The following TMTC2 variants were observed in gnomAD, a reference collection of about 807,000 sequenced individuals.
TMTC2 encodes transmembrane O-mannosyltransferase targeting cadherins 2, also known as protein O-mannosyl-transferase TMTC2.
Under a neutral mutation model 82.4 loss-of-function variants are expected in TMTC2, and 43 were observed. The observed-to-expected ratio is 0.52, with a 90% CI of 0.41 to 0.67. The LOEUF is 0.67. TMTC2 is among the 30% of genes least tolerant of loss of function. The pLI is 0.00. For missense variants in TMTC2, 919 were observed against 1,012.4 expected (o/e 0.91, Z 1.25); for synonymous variants, 408 against 381.9 (o/e 1.07, Z -0.80).
At chr12:82,787,441 ATG>A (rs1309107718) in intron 1 of TMTC2, among the ~76,000 whole-genome samples, 8 of 152,148 alleles carry the variant, frequency 5.3e-5, no homozygotes, top group African/African-American at 1.9e-4. Context: ...ATGTAAATGA[ATG>A]TATATTTTTC....
At chr12:82,738,144 T>C (rs1301301005) in intron 1 of TMTC2, among the ~76,000 whole-genome samples, 1 of 152,228 alleles carries the variant, frequency 6.6e-6, no homozygotes. Flanking sequence ...TATAATTAGG[T>C]AATTTTTTTA....
chr12:82,791,638 G>A (rs142127600), intron 1 of TMTC2, among the ~76,000 whole-genome samples: 41 of 152,228 alleles, frequency 2.7e-4, no homozygotes, highest in African/African-American at 9.4e-4. Flanking sequence ...AAAAACCTCT[G>A]ATTATTCTAT....
intron 3 of TMTC2, among the ~76,000 whole-genome samples, chr12:82,901,674 A>G (rs1874029245): frequency 6.6e-6 from 1 of 151,954 alleles, no homozygotes; most frequent in Non-Finnish European, 1.5e-5. Context: ...CTTTCGACTC[A>G]GACATGATGT....
chr12:82,706,000 A>C (rs750208710), intron 1 of TMTC2, among the ~76,000 whole-genome samples: 22 of 152,064 alleles, frequency 1.4e-4, no homozygotes, highest in Non-Finnish European at 2.6e-4. Flanking sequence ...AACAAATAAG[A>C]ATTAGATTAA....
At chr12:82,782,499 A>C (rs1043117246) in intron 1 of TMTC2, among the ~76,000 whole-genome samples, 6 of 152,168 alleles carry the variant, frequency 3.9e-5, no homozygotes, top group Non-Finnish European at 7.4e-5. Context: ...AACTCTAAAC[A>C]GAGCTCTTTG....
At chr12:82,915,716 G>C (rs930891023) in intron 3 of TMTC2, among the ~76,000 whole-genome samples, 1 of 152,180 alleles carries the variant, frequency 6.6e-6, no homozygotes, top group African/African-American at 2.4e-5. Flanking sequence ...GTCTTTCTAA[G>C]GGTTCTTCAT....
At chr12:82,732,037 G>A (rs1339104013) in intron 1 of TMTC2, among the ~76,000 whole-genome samples, 2 of 152,150 alleles carry the variant, frequency 1.3e-5, no homozygotes, top group East Asian at 3.8e-4. Flanking sequence ...AGAGTGATGG[G>A]AATTTATTTG....
chr12:82,727,699 C>T (rs1874532018), intron 1 of TMTC2, among the ~76,000 whole-genome samples: 1 of 148,324 alleles, frequency 6.7e-6, no homozygotes, highest in Non-Finnish European at 1.5e-5. Context: ...CCAGCGTGGG[C>T]AACAGAGTGA....
chr12:82,744,381 C>T (rs1212296784), intron 1 of TMTC2, among the ~76,000 whole-genome samples: 2 of 152,032 alleles, frequency 1.3e-5, no homozygotes, highest in African/African-American at 4.8e-5. Context: ...CAAGATTGTG[C>T]CACTGCACTT....
chr12:83,034,532 G>A (rs780709441), intron 9 of TMTC2, among the ~76,000 whole-genome samples: 10 of 152,162 alleles, frequency 6.6e-5, no homozygotes, highest in Admixed American at 2.6e-4. Context: ...GGAGAAGACA[G>A]GACTAGAGAA....
At position 83,014,243 on chromosome 12, in the gene TMTC2, A is replaced by G. The variant is rs548890928; in HGVS notation, c.2071-16555A>G. On this transcript the variant is annotated intron_variant, in intron 8 of 11. Transcript: ENST00000321196. The stretch of plus-strand genomic sequence containing the variant: ...AGAGGCTCCATCTCCTCTCACCGTA[A>G]CCTCTGCCTTCTGCACTCAAGTGAT... Among the ~76,000 whole-genome samples the G allele has an allele frequency of 9.9e-4, 150 of 152,162 alleles. 2 individuals are homozygous for G. The highest frequency in any genetic ancestry group is 8.8e-3 in the Admixed American group (135 of 15,286).
At chr12:82,852,085 A>G (rs544486471) in intron 1 of TMTC2, among the ~76,000 whole-genome samples, 1 of 151,348 alleles carries the variant, frequency 6.6e-6, no homozygotes, top group South Asian at 2.1e-4. Context: ...ACTTCCTTGA[A>G]GACTTCAGAA....
intron 2 of TMTC2, among the ~76,000 whole-genome samples, chr12:82,881,245 A>G (rs774232422): frequency 2.6e-5 from 4 of 152,218 alleles, no homozygotes; most frequent in Non-Finnish European, 5.9e-5. Flanking sequence ...GGTTGTATTG[A>G]AGTCTTATTC....
chr12:82,726,416 T>TGTGCCAG (rs1418422371), intron 1 of TMTC2, among the ~76,000 whole-genome samples: 1 of 152,210 alleles, frequency 6.6e-6, no homozygotes, highest in East Asian at 1.9e-4. Context: ...AGACATTCTT[T>TGTGCCAG]GTGTTTTTCT....
chr12:82,967,699 C>G (rs1878274712), intron 7 of TMTC2, among the ~76,000 whole-genome samples: 1 of 151,944 alleles, frequency 6.6e-6, no homozygotes, highest in South Asian at 2.1e-4. Context: ...AGTAAGGTGG[C>G]CTAATGACTA....
At chr12:82,876,028 C>CGGTGGTGGCGGT (rs1872476351) in intron 2 of TMTC2, among the ~76,000 whole-genome samples, 4 of 83,488 alleles carry the variant, frequency 4.8e-5, no homozygotes, top group Non-Finnish European at 8.8e-5. Flanking sequence ...GTAGTGGTGG[C>CGGTGGTGGCGGT]GGTGGTGGTG....
rs920765326 is a variant in TMTC2 at position 82,958,371 on chromosome 12, CAAAA to C, written c.1599-6648_1599-6645del. ...GTCTGTCTCAAAAAAAAAAAAAAAA[CAAAA>C]AAAACAAAAAAACTACTGACCAATA... On this transcript the variant is annotated intron_variant, in intron 4 of 11. Transcript: ENST00000321196. Among the ~76,000 whole-genome samples the C allele has an allele frequency of 8.8e-3, 167 of 18,960 alleles. 5 individuals are homozygous for C. The highest frequency in any genetic ancestry group is 0.018 in the African/African-American group (130 of 7,170). 12.4% of individuals were successfully genotyped at this position (18,960 alleles called of 152,430 possible).
intron 8 of TMTC2, among the ~76,000 whole-genome samples, chr12:82,998,187 T>A (rs1049555881): frequency 3.3e-5 from 5 of 152,136 alleles, no homozygotes; most frequent in African/African-American, 1.2e-4. Flanking sequence ...GAAAACTTAC[T>A]AAAAAAGAGT....
At chr12:83,088,114 G>A (rs1479871584) in intron 11 of TMTC2, among the ~76,000 whole-genome samples, 1 of 152,156 alleles carries the variant, frequency 6.6e-6, no homozygotes, top group Non-Finnish European at 1.5e-5. Flanking sequence ...GCCTCACCTG[G>A]CATTTTTATA....
Sources: allele counts gnomAD v4.1 joint callset (sites outside exome capture counted in the v4.1 genomes callset), GRCh38; gene constraint gnomAD v4.1.1; transcripts MANE v1.5; gene names NCBI Gene and HGNC (gene_info 2026-07-23, HGNC 2026-07-21).